Variants in THAP5 observed in about 807,000 individuals in gnomAD.
THAP5 encodes THAP domain containing 5, also known as THAP domain-containing protein 5.
In THAP5, 26 loss-of-function variants were observed where a neutral mutation model predicts 34.0. The ratio of observed to expected loss-of-function variants is 0.77; its 90% CI spans 0.56 to 1.06. The LOEUF (loss-of-function observed/expected upper bound fraction) is 1.06. Ranked by LOEUF, THAP5 falls within the 50% of genes least tolerant of loss-of-function variation. The pLI is 0.00. For synonymous variants in THAP5, 125 were observed against 153.0 expected (o/e 0.82, Z 1.35); for missense variants, 394 against 452.8 (o/e 0.87, Z 1.18).
At chr7:108,554,863 T>C (rs1864375623) in intron 1 of THAP5, 1 of 152,202 alleles carries the variant, frequency 6.6e-6, no homozygotes, top group Admixed American at 6.5e-5. Flanking sequence ...GCTGTATCTA[T>C]CAAAACAAAG....
chr7:108,552,131 C>T (rs1317539106), downstream of THAP5, among the ~76,000 whole-genome samples: 1 of 152,174 alleles, frequency 6.6e-6, no homozygotes, highest in African/African-American at 2.4e-5. Flanking sequence ...TATAATGCCC[C>T]TGCCCAGCTA....
chr7:108,548,980 C>G, the THAP5 span, among the ~76,000 whole-genome samples: 3 of 152,044 alleles, frequency 2.0e-5, no homozygotes, highest in African/African-American at 7.3e-5. Context: ...CAAAACAAAA[C>G]AAAAGCCTGC....
chr7:108,550,284 C>T (rs1283940021), downstream of THAP5, among the ~76,000 whole-genome samples: 2 of 151,836 alleles, frequency 1.3e-5, no homozygotes, highest in East Asian at 3.9e-4. Flanking sequence ...TTTTTTTCTT[C>T]TTGCTGAAGG....
At chr7:108,550,079 T>C (rs1268008058), downstream of THAP5, among the ~76,000 whole-genome samples, 1 of 152,238 alleles carries the variant, frequency 6.6e-6, no homozygotes, top group Non-Finnish European at 1.5e-5. Context: ...TTTATGGCCT[T>C]ATTTCCCTAG....
chr7:108,567,241 CTT>C (rs1257285543), intron 1 of THAP5, among the ~76,000 whole-genome samples: 2 of 152,120 alleles, frequency 1.3e-5, no homozygotes, highest in African/African-American at 4.8e-5. Flanking sequence ...AATATTTTAA[CTT>C]TACAAATATT....
chr7:108,558,379 A>ATG (rs1282453574), downstream of THAP5, among the ~76,000 whole-genome samples: 62 of 84,224 alleles, frequency 7.4e-4, no homozygotes, highest in Middle Eastern at 5.7e-3. Flanking sequence ...GTGTGTGTGT[A>ATG]TGTATATATA....
At chr7:108,561,967 AG>A (rs899396793), downstream of THAP5, among the ~76,000 whole-genome samples, 5 of 152,198 alleles carry the variant, frequency 3.3e-5, no homozygotes, top group African/African-American at 1.2e-4. Flanking sequence ...GAATACAGAA[AG>A]GGTACTGTTT....
chr7:108,569,561 G>T lies in THAP5; in HGVS notation c.9C>A (p.Arg3=). ...TCTTACAACAAATCGCTGCGCAATA[G>T]CGGGGCATGACTCGGGTGAGGCCCC... MP[R]YCAAICCKNR... is the part of the protein sequence containing the mutation. The change falls in exon 1 of 3, where the codon CGC becomes CGA. Residue 3 remains arginine, a synonymous_variant. Transcript: ENST00000415914. The T allele has an allele frequency of 6.4e-7, 1 of 1,551,648 alleles. No homozygotes were observed. The highest frequency in any genetic ancestry group is 8.7e-7 in the Non-Finnish European group (1 of 1,147,020).
chr7:108,569,624 C>T lies in THAP5; in HGVS notation c.-55G>A, dbSNP rs1197722010. The stretch of plus-strand genomic sequence containing the variant: ...CCGGCGACGGATGCAGGGCGGCCCT[C>T]CTCACTGAGGATGCGCCACAGGTCC... On this transcript the variant is annotated 5_prime_UTR_variant, in exon 1 of 3. Transcript: ENST00000415914. 1 of 1,543,994 alleles carries T rather than the reference C, an allele frequency of 6.5e-7. No individual in the cohort carries two copies. The highest frequency in any genetic ancestry group is 2.4e-5 in the East Asian group (1 of 40,904).
the THAP5 span, among the ~76,000 whole-genome samples, chr7:108,549,089 TACACACACAC>T: frequency 2.7e-4 from 37 of 136,542 alleles, no homozygotes; most frequent in Middle Eastern, 3.7e-3. Context: ...ACATGCTTAA[TACACACACAC>T]ACACACACAC....
the THAP5 span, among the ~76,000 whole-genome samples, chr7:108,542,565 C>T: frequency 1.3e-5 from 2 of 152,040 alleles, no homozygotes; most frequent in Admixed American, 6.6e-5. Flanking sequence ...TGGGTTCAAG[C>T]GATTCTCCTG....
At chr7:108,552,430 A>T (rs183718027), downstream of THAP5, among the ~76,000 whole-genome samples, 2 of 152,090 alleles carry the variant, frequency 1.3e-5, no homozygotes, top group African/African-American at 4.8e-5. Flanking sequence ...CTACTCATAC[A>T]TCTACTTTCC....
chr7:108,556,066 C>T (rs957760836), intron 1 of THAP5, among the ~76,000 whole-genome samples: 1 of 152,134 alleles, frequency 6.6e-6, no homozygotes, highest in Non-Finnish European at 1.5e-5. Flanking sequence ...CTTTAAACAA[C>T]CAGATCTCGT....
the THAP5 span, among the ~76,000 whole-genome samples, chr7:108,543,370 G>GA: frequency 1.1e-4 from 16 of 152,316 alleles, no homozygotes; most frequent in Non-Finnish European, 2.1e-4. Flanking sequence ...GGCTTTTTAT[G>GA]AGCTAGGTTT....
chr7:108,552,582 C>T (rs1056991910), downstream of THAP5, among the ~76,000 whole-genome samples: 5 of 152,216 alleles, frequency 3.3e-5, no homozygotes, highest in Admixed American at 6.5e-5. Context: ...CATGGATCAC[C>T]TGAGGTCAGG....
At chr7:108,566,070 T>C (rs1456218766) in intron 1 of THAP5, 48 bp from the exon 2 acceptor site, 6 of 1,465,624 alleles carry the variant, frequency 4.1e-6, no homozygotes, top group Non-Finnish European at 4.5e-6. Flanking sequence ...TTTGCTATAT[T>C]TTTACAATTT....
chr7:108,552,482 G>C (rs1016887265), downstream of THAP5, among the ~76,000 whole-genome samples: 3 of 152,072 alleles, frequency 2.0e-5, no homozygotes, highest in African/African-American at 7.2e-5. Context: ...CTTTCACTTT[G>C]CCCTCGTGGG....
At chr7:108,557,962 C>A (rs1327611426), downstream of THAP5, among the ~76,000 whole-genome samples, 2 of 152,136 alleles carry the variant, frequency 1.3e-5, no homozygotes, top group East Asian at 3.9e-4. Flanking sequence ...AGGAAACTTA[C>A]AATAATGGTG....
At chr7:108,548,232 A>T in the THAP5 span, among the ~76,000 whole-genome samples, 153 of 152,362 alleles carry the variant, frequency 1.0e-3, no homozygotes, top group Non-Finnish European at 1.8e-3. Context: ...TGGAGCCAGA[A>T]TTAGACCCAG....
Sources: allele counts gnomAD v4.1 joint callset (sites outside exome capture counted in the v4.1 genomes callset), GRCh38; gene constraint gnomAD v4.1.1; transcripts MANE v1.5; gene names NCBI Gene and HGNC (gene_info 2026-07-23, HGNC 2026-07-21).